The following STARD7 variants were observed in gnomAD, a reference collection of about 807,000 sequenced individuals.
STARD7 encodes StAR related lipid transfer domain containing 7.
A neutral mutation model predicts 45.3 loss-of-function variants in STARD7; 30 were observed. The ratio of observed to expected loss-of-function variants is 0.66; its 90% CI spans 0.50 to 0.90. STARD7 has a LOEUF of 0.90. Ranked by LOEUF, STARD7 falls within the 40% of genes least tolerant of loss-of-function variation. The probability of loss-of-function intolerance (pLI) is 0.00; values close to 1 mark genes in which losing one functional copy is unlikely to be tolerated. For missense variants in STARD7, 495 were observed against 491.3 expected, an observed-to-expected ratio of 1.01 and a Z score of -0.07; for synonymous variants, 199 against 183.0, an observed-to-expected ratio of 1.09 and a Z score of -0.70.
At chr2:96,189,896 A>G (rs953178907) in intron 6 of STARD7, among the ~76,000 whole-genome samples, 2 of 152,146 alleles carry the variant, frequency 1.3e-5, no homozygotes, top group African/African-American at 4.8e-5. Flanking sequence ...GGGAAAGACA[A>G]AAGATAGAAG....
rs1222182169 is a variant in STARD7 at position 96,193,262 on chromosome 2, G to A, written c.640C>T (p.His214Tyr). 1.9e-6 allele frequency: 3 copies of A among 1,613,562 alleles called. 1 individual carries two copies. Among genetic ancestry groups the A allele is most frequent in the Non-Finnish European group, 2.5e-6 (3 of 1,179,592 alleles). ...CTCACAGGAAAATGGGTTACCCAGT[G>A]AAGAACCTCGGAACCACTAACCACA... Reference protein sequence around the residue: ...RDVVSGSEVLHWVTHFPYPMY... With the variant: ...RDVVSGSEVLYWVTHFPYPMY... Residue 214 changes from histidine (H) to tyrosine (Y), a missense_variant, in exon 4 of 8, where the codon CAC (histidine) becomes TAC (tyrosine). Physicochemically the swap from His to Tyr is moderately conservative, Grantham distance 83 (BLOSUM62 2). Around this residue, in one of 2 missense-constraint regions of STARD7, gnomAD observed 213 missense variants for 271.2 expected, o/e 0.79. Coordinates refer to ENST00000337288, the MANE Select transcript of STARD7 (RefSeq NM_020151.4).
chr2:96,193,047 C>A, intron 5 of STARD7, 31 bp downstream of exon 5: 1 of 1,554,548 alleles, frequency 6.4e-7, no homozygotes, highest in East Asian at 2.2e-5. Context: ...GCTAAAGGAA[C>A]TCGGCAACAG....
intron 6 of STARD7, among the ~76,000 whole-genome samples, chr2:96,189,247 C>A (rs1036396140): frequency 6.6e-6 from 1 of 152,132 alleles, no homozygotes; most frequent in Non-Finnish European, 1.5e-5. Context: ...CCGTGCTCAG[C>A]CAGAGTGTTA....
chr2:96,208,054 G>A (rs1257965736), intron 1 of STARD7, 91 bp downstream of exon 1: 8 of 1,267,238 alleles, frequency 6.3e-6, no homozygotes, highest in Non-Finnish European at 8.6e-6. Flanking sequence ...AAGACCACCG[G>A]GTAAACAAGG....
intron 1 of STARD7, among the ~76,000 whole-genome samples, chr2:96,202,292 A>G (rs1353191810): frequency 6.6e-6 from 1 of 152,204 alleles, no homozygotes; most frequent in Admixed American, 6.5e-5. Flanking sequence ...AAAGAATGCC[A>G]GCAACACTGC....
rs781511988 is a variant in STARD7, at chr2:96,192,414, T to C, written c.798A>G (p.Ser266=). ...PESPEFVRVR[S]YESQMVIRPH... Reference sequence around the variant, plus strand: ...GACGGATAACCATTTGGGATTCATATGATCTGACCCTGACGAATTCTGGAG... The same window carrying C: ...GACGGATAACCATTTGGGATTCATACGATCTGACCCTGACGAATTCTGGAG... The change falls in exon 6 of 8, where the codon TCA becomes TCG. Residue 266 remains serine (S), a synonymous_variant. Transcript: ENST00000337288. 2 of 1,613,952 alleles carry C rather than the reference T, an allele frequency of 1.2e-6. No individual in the cohort carries two copies. The highest frequency in any genetic ancestry group is 1.3e-5 in the African/African-American group (1 of 75,026).
intron 1 of STARD7, among the ~76,000 whole-genome samples, chr2:96,198,822 A>G (rs1449079379): frequency 6.6e-6 from 1 of 152,154 alleles, no homozygotes; most frequent in African/African-American, 2.4e-5. Flanking sequence ...TTTAGCTTAC[A>G]TTAGGTCTTT....
At position 96,195,421 on chromosome 2, in the gene STARD7, C is replaced by G. The variant is rs2276650; in HGVS notation, c.419G>C (p.Arg140Pro). 259,079 of 1,610,920 alleles carry G rather than the reference C, an allele frequency of 0.16. 22,112 individuals carry two copies. Among genetic ancestry groups the G allele is most frequent in the South Asian group, 0.23 (20,535 of 90,390 alleles). ...GNEDSEGKEQ[R>P]WEMVMDKKHF... ...TTTCTTATCCATCACCATTTCCCAA[C>G]GTTGCTCTTTGCCCTCTGAATCTTC... Residue 140 changes from arginine to proline, a missense_variant, in exon 2 of 8, where the codon CGT becomes CCT. Physicochemically the swap from Arg to Pro is moderately radical, Grantham distance 103. Transcript: ENST00000337288.
chr2:96,194,075 T>C (rs1022778764), intron 3 of STARD7, among the ~76,000 whole-genome samples: 12 of 152,176 alleles, frequency 7.9e-5, no homozygotes, highest in Non-Finnish European at 1.8e-4. Context: ...GAAATAAACA[T>C]TGGGCCAACA....
At chr2:96,196,824 T>C (rs992863649) in intron 1 of STARD7, among the ~76,000 whole-genome samples, 11 of 151,848 alleles carry the variant, frequency 7.2e-5, no homozygotes, top group African/African-American at 1.2e-4. Flanking sequence ...TCCCAATACT[T>C]TGGGAGGCTG....
At chr2:96,199,988 G>A (rs906244814) in intron 1 of STARD7, among the ~76,000 whole-genome samples, 1 of 152,142 alleles carries the variant, frequency 6.6e-6, no homozygotes, top group Admixed American at 6.5e-5. Flanking sequence ...AACCGACCTT[G>A]CCGTTCCTTA....
At chr2:96,203,021 A>G (rs1683331622) in intron 1 of STARD7, among the ~76,000 whole-genome samples, 1 of 152,230 alleles carries the variant, frequency 6.6e-6, no homozygotes, top group Non-Finnish European at 1.5e-5. Flanking sequence ...TTGTGGAGAC[A>G]CAGTATGAAT....
At chr2:96,190,785 G>A (rs1432305156) in intron 6 of STARD7, among the ~76,000 whole-genome samples, 1 of 152,130 alleles carries the variant, frequency 6.6e-6, no homozygotes, top group Non-Finnish European at 1.5e-5. Context: ...TGGGACTACA[G>A]GCACATATCA....
intron 6 of STARD7, 161 bp from the exon 7 acceptor site, chr2:96,187,462 A>G (rs1466201348): frequency 5.3e-6 from 3 of 564,854 alleles, no homozygotes; most frequent in Admixed American, 3.1e-5. Context: ...CTGAGAGACT[A>G]CTATCTATAG....
chr2:96,206,954 T>G (rs1467879182), intron 1 of STARD7, among the ~76,000 whole-genome samples: 2 of 152,226 alleles, frequency 1.3e-5, no homozygotes, highest in Non-Finnish European at 2.9e-5. Context: ...AATGGCCAAG[T>G]AGCAAAAGAA....
intron 1 of STARD7, among the ~76,000 whole-genome samples, chr2:96,205,205 C>T (rs1352805445): frequency 6.6e-6 from 1 of 152,190 alleles, no homozygotes; most frequent in Non-Finnish European, 1.5e-5. Context: ...CTACATCTGG[C>T]CACAGCAGCC....
At chr2:96,206,290 CA>C (rs1400749590) in intron 1 of STARD7, among the ~76,000 whole-genome samples, 1 of 152,042 alleles carries the variant, frequency 6.6e-6, no homozygotes, top group African/African-American at 2.4e-5. Context: ...TAAAATAAGC[CA>C]AAGAGTGTCA....
At position 96,186,143 on chromosome 2, in the gene STARD7, T is replaced by A. The variant is rs1305406973; in HGVS notation, c.*587A>T. ...TTCAAGACCAGCCTGGGAAACAGAG[T>A]GAAACTCCATCTCTACTTAAAAAAA... On this transcript the variant is annotated 3_prime_UTR_variant, in exon 8 of 8. Coordinates refer to ENST00000337288, the MANE Select transcript of STARD7 (RefSeq NM_020151.4). The A allele has an allele frequency of 6.6e-6, 1 of 151,054 alleles. No individual in the cohort carries two copies. Among genetic ancestry groups the A allele is most frequent in the Non-Finnish European group, 1.5e-5 (1 of 67,808 alleles). 9.4% of individuals were successfully genotyped at this position (151,054 alleles called of 1,614,324 possible).
intron 1 of STARD7, among the ~76,000 whole-genome samples, chr2:96,200,693 CT>C (rs1217502739): frequency 6.6e-6 from 1 of 151,994 alleles, no homozygotes; most frequent in East Asian, 1.9e-4. Flanking sequence ...ATAACCTCTT[CT>C]TTTTTGAGAC....
Sources: gnomAD v4.1 joint callset for allele counts (sites outside exome capture counted in the v4.1 genomes callset) on GRCh38, gnomAD v4.1.1 for gene constraint, gnomAD v4.1.1 regional missense constraint, MANE v1.5 for transcripts, NCBI Gene and HGNC (gene_info 2026-07-23, HGNC 2026-07-21) for gene names.